Variants in GALNS observed in about 807,000 individuals in gnomAD.
GALNS encodes galactosamine (N-acetyl)-6-sulfatase.
Under a neutral mutation model 65.9 loss-of-function variants are expected in GALNS, and 65 were observed. The ratio of observed to expected loss-of-function variants is 0.99; its 90% CI spans 0.81 to 1.21. GALNS has a LOEUF of 1.21. Among genes scored for constraint, GALNS ranks in the 50% most tolerant of loss-of-function variants. The pLI is 0.00. For synonymous variants in GALNS, 346 were observed against 288.9 expected, an observed-to-expected ratio of 1.20 and a Z score of -2.00; for missense variants, 776 against 700.7, an observed-to-expected ratio of 1.11 and a Z score of -1.21.
rs1427663367 is a variant in GALNS, at chr16:88,836,256, T to C, written c.578A>G (p.Glu193Gly). 6.2e-7 allele frequency: 1 copy of C among 1,612,526 alleles called. No individual in the cohort carries two copies. The highest frequency in any genetic ancestry group is 1.3e-5 in the African/African-American group (1 of 74,884). The part of the protein sequence containing the change: ...DWEMVGRYYE[E>G]FPINLKTGEA... ...CCCCGTCTTCAGATTAATAGGAAATTCTTCATAATATCTGAAAAGAACACA... is the reference window on the plus strand; with the variant it reads ...CCCCGTCTTCAGATTAATAGGAAATCCTTCATAATATCTGAAAAGAACACA... The change falls in exon 6 of 14, where the codon GAA becomes GGA. Residue 193 changes from glutamate to glycine, a missense_variant. Glu to Gly is a moderately conservative substitution (Grantham distance 98). Coordinates refer to ENST00000268695, the MANE Select transcript of GALNS (RefSeq NM_000512.5).
rs1597540729 is a variant in GALNS at position 88,824,728 on chromosome 16, G to T, written c.1242+39C>A. The T allele has an allele frequency of 9.0e-6, 14 of 1,559,968 alleles. No homozygotes were observed. The East Asian group carries it at 3.1e-4, about 35-fold the overall frequency. On this transcript the variant is annotated intron_variant, in intron 11 of 13. Coordinates refer to ENST00000268695, the MANE Select transcript of GALNS (RefSeq NM_000512.5). ...CAGGGGCCACGTCTGGATAGAGATG[G>T]GGGCAGCTCCGCCTGCGCCCACGTC...
At chr16:88,843,033 A>G (rs1967057396) in intron 1 of GALNS, 1 of 1,524,192 alleles carries the variant, frequency 6.6e-7, no homozygotes, top group African/African-American at 1.4e-5. Context: ...CCCAAACCTC[A>G]GCATCGCCTG....
At chr16:88,818,525 G>A (rs536467832) in intron 12 of GALNS, among the ~76,000 whole-genome samples, 7 of 151,922 alleles carry the variant, frequency 4.6e-5, no homozygotes, top group Admixed American at 2.0e-4. Context: ...CAAAAGCAAC[G>A]TCATCCCATT....
At chr16:88,817,923 G>A in intron 13 of GALNS, 84 bp downstream of exon 13, 1 of 1,162,378 alleles carries the variant, frequency 8.6e-7, no homozygotes, top group Non-Finnish European at 1.2e-6. Flanking sequence ...CCTCTGCCCT[G>A]TGCTGGCCAC....
At chr16:88,829,410 C>T (rs1483814718) in intron 9 of GALNS, among the ~76,000 whole-genome samples, 5 of 152,248 alleles carry the variant, frequency 3.3e-5, no homozygotes, top group Non-Finnish European at 7.3e-5. Context: ...GTCACTCTCA[C>T]AGCCACTCTG....
At position 88,841,112 on chromosome 16, in the gene GALNS, G is replaced by C; in HGVS notation, c.320-18C>G. Reference sequence around the variant, plus strand: ...TGTGTAGGCTGGAAGAGCAGCGCTGGGTGAGCCCCGAGGAGACCCCGAGAA... The same window carrying C: ...TGTGTAGGCTGGAAGAGCAGCGCTGCGTGAGCCCCGAGGAGACCCCGAGAA... On this transcript the variant is annotated intron_variant, in intron 3 of 13. Transcript: ENST00000268695. 3 of 1,604,080 alleles carry C rather than the reference G, an allele frequency of 1.9e-6. No homozygotes were observed. Among genetic ancestry groups the C allele is most frequent in the Non-Finnish European group, 2.6e-6 (3 of 1,171,992 alleles).
At chr16:88,841,992 C>G in intron 2 of GALNS, 21 bp from the exon 3 acceptor site, 1 of 1,604,200 alleles carries the variant, frequency 6.2e-7, no homozygotes, top group African/African-American at 1.3e-5. Flanking sequence ...GTGACAGAAA[C>G]AGAAACTGGA....
chr16:88,837,621 C>T lies in GALNS; in HGVS notation c.566+1G>A, dbSNP rs200552694. ...GAGGGGAAGGGGTGGGGCTCCATTACCTGCCAACCATCTCCCAGTCCCTGT... is the reference window on the plus strand; with the variant it reads ...GAGGGGAAGGGGTGGGGCTCCATTATCTGCCAACCATCTCCCAGTCCCTGT... On this transcript the variant is annotated splice_donor_variant, in intron 5 of 13. Transcript: ENST00000268695. LOFTEE classifies it high-confidence loss of function. 3 of 1,612,820 alleles carry T rather than the reference C, an allele frequency of 1.9e-6. No homozygotes were observed. The highest frequency in any genetic ancestry group is 2.5e-6 in the Non-Finnish European group (3 of 1,179,910).
chr16:88,832,040 C>T lies in GALNS; in HGVS notation c.960G>A (p.Glu320=), dbSNP rs1213435795. The T allele has an allele frequency of 5.0e-6, 8 of 1,613,884 alleles. No homozygotes were observed. The highest frequency in any genetic ancestry group is 6.8e-6 in the Non-Finnish European group (8 of 1,179,918). The change falls in exon 9 of 14, where the codon GAG becomes GAA. Residue 320 remains glutamate, a synonymous_variant. Transcript: ENST00000268695. ...KQTTFEGGMR[E]PALAWWPGHV... is the part of the protein sequence containing the mutation. Reference sequence around the variant, plus strand: ...GCCCTGGCCACCATGCGAGGGCAGGCTCCCTCATCCCTCCTTCAAACGTGG... The same window carrying T: ...GCCCTGGCCACCATGCGAGGGCAGGTTCCCTCATCCCTCCTTCAAACGTGG...
At chr16:88,818,335 G>C (rs964646014) in intron 12 of GALNS, among the ~76,000 whole-genome samples, 1 of 152,212 alleles carries the variant, frequency 6.6e-6, no homozygotes, top group African/African-American at 2.4e-5. Flanking sequence ...AGACTCACGG[G>C]CAAGAGAGGA....
chr16:88,835,480 C>A, intron 7 of GALNS, 128 bp from the exon 8 acceptor site: 1 of 1,346,798 alleles, frequency 7.4e-7, no homozygotes, highest in East Asian at 2.4e-5. Flanking sequence ...GTGAAACTGG[C>A]CGGCCTCTTC....
At chr16:88,854,571 CCCCT>C (rs1967684205) in intron 1 of GALNS, among the ~76,000 whole-genome samples, 2 of 152,262 alleles carry the variant, frequency 1.3e-5, no homozygotes, top group African/African-American at 2.4e-5. Flanking sequence ...TCAGCATGTG[CCCCT>C]CCCCCAGTGT....
At chr16:88,815,985 G>A in intron 13 of GALNS, 1 of 985,414 alleles carries the variant, frequency 1.0e-6, no homozygotes, top group Admixed American at 6.1e-5. Flanking sequence ...CCTGGAGTTG[G>A]CGGGGACAGA....
At chr16:88,850,007 G>A (rs551444927) in intron 1 of GALNS, among the ~76,000 whole-genome samples, 1 of 152,216 alleles carries the variant, frequency 6.6e-6, no homozygotes, top group Non-Finnish European at 1.5e-5. Context: ...ACAGCTCCCT[G>A]AGGCCAGCCT....
chr16:88,816,789 C>T, intron 13 of GALNS: 2 of 985,488 alleles, frequency 2.0e-6, no homozygotes, highest in Non-Finnish European at 2.4e-6. Flanking sequence ...TGGAAAGAGG[C>T]TTCAGCTGGG....
intron 1 of GALNS, chr16:88,856,123 G>A (rs1465602757): frequency 1.9e-5 from 13 of 700,020 alleles, no homozygotes; most frequent in Non-Finnish European, 2.9e-5. Context: ...GAGGCCTCCA[G>A]GCTGGCTGTG....
At chr16:88,817,903 A>C in intron 13 of GALNS, 104 bp downstream of exon 13, 2 of 966,310 alleles carry the variant, frequency 2.1e-6, no homozygotes, top group Non-Finnish European at 1.6e-6. Context: ...GAGGCGGGGA[A>C]GCACGCCTGC....
intron 5 of GALNS, among the ~76,000 whole-genome samples, chr16:88,836,740 A>G: frequency 6.6e-6 from 1 of 152,038 alleles, no homozygotes; most frequent in Admixed American, 6.5e-5. Context: ...CCCCCAGGGC[A>G]CGGTCTTGCA....
At chr16:88,829,241 G>A (rs909874022) in intron 9 of GALNS, among the ~76,000 whole-genome samples, 4 of 151,498 alleles carry the variant, frequency 2.6e-5, no homozygotes, top group African/African-American at 9.7e-5. Context: ...CTCCCTGCAG[G>A]TGCCCCCACA....
Sources: gnomAD v4.1 joint callset for allele counts (sites outside exome capture counted in the v4.1 genomes callset) on GRCh38, gnomAD v4.1.1 for gene constraint, MANE v1.5 for transcripts, NCBI Gene and HGNC (gene_info 2026-07-23, HGNC 2026-07-21) for gene names.